The following PISD variants were observed in gnomAD, a reference collection of about 807,000 sequenced individuals.
PISD encodes phosphatidylserine decarboxylase proenzyme, mitochondrial.
In PISD, 31 loss-of-function variants were observed where a neutral mutation model predicts 43.5. The ratio of observed to expected loss-of-function variants is 0.71; its 90% CI spans 0.54 to 0.96. PISD has a LOEUF of 0.96. Ranked by LOEUF, PISD falls within the 40% of genes least tolerant of loss-of-function variation. The pLI is 0.00. For synonymous variants in PISD, 259 were observed against 228.7 expected, an observed-to-expected ratio of 1.13 and a Z score of -1.20; for missense variants, 523 against 548.4, an observed-to-expected ratio of 0.95 and a Z score of 0.46.
intron 3 of PISD, among the ~76,000 whole-genome samples, chr22:31,624,712 GACACACACACACACACACAC>G (rs55946723): frequency 1.3e-4 from 15 of 111,990 alleles, no homozygotes; most frequent in South Asian, 3.7e-4. Flanking sequence ...AGCAAAGGTG[GACACACACACACACACACAC>G]ACACACACAC....
intron 3 of PISD, among the ~76,000 whole-genome samples, chr22:31,636,131 A>G (rs1038301074): frequency 2.6e-5 from 4 of 152,244 alleles, no homozygotes; most frequent in Non-Finnish European, 2.9e-5. Context: ...TGCTGAGCAC[A>G]GGCCCATGGG....
At chr22:31,636,051 C>G (rs2073420948) in intron 3 of PISD, among the ~76,000 whole-genome samples, 1 of 152,218 alleles carries the variant, frequency 6.6e-6, no homozygotes, top group African/African-American at 2.4e-5. Context: ...ACAGCATGTA[C>G]ATCGCTCACC....
In PISD at chr22:31,661,142, C is replaced by T. The variant is rs115767908; in HGVS notation, c.65+1002G>A. 5.7e-3 allele frequency among the ~76,000 whole-genome samples: 862 copies of T among 152,324 alleles called. 6 individuals are homozygous for T. The highest frequency in any genetic ancestry group is 0.018 in the African/African-American group (764 of 41,566). On this transcript the variant is annotated intron_variant, in intron 1 of 7. Transcript: ENST00000439502. ...AATTCTAACAGTTACCACCACAATGCAGAGCCCTCTCCTGAGAGATAATCA... is the reference window on the plus strand; with the variant it reads ...AATTCTAACAGTTACCACCACAATGTAGAGCCCTCTCCTGAGAGATAATCA...
chr22:31,651,814 G>C (rs1255746796), intron 1 of PISD, among the ~76,000 whole-genome samples: 1 of 152,186 alleles, frequency 6.6e-6, no homozygotes, highest in Non-Finnish European at 1.5e-5. Flanking sequence ...TTTGCCTGAA[G>C]AAATAAGACA....
At chr22:31,656,266 C>T (rs560130428) in intron 1 of PISD, among the ~76,000 whole-genome samples, 2 of 152,110 alleles carry the variant, frequency 1.3e-5, no homozygotes, top group African/African-American at 4.8e-5. Flanking sequence ...ATTGCTTGAA[C>T]CCAGGAGGTG....
At position 31,662,213 on chromosome 22, in the gene PISD, T is replaced by A; in HGVS notation, c.-5A>T. On this transcript the variant is annotated 5_prime_UTR_variant, in exon 1 of 8. Transcript: ENST00000439502. ...GTGCCCCACGGACGTCGCCATCTTG[T>A]CTGCTCCTTCTCAGCGTGCCACGCC... 1.2e-6 allele frequency: 2 copies of A among 1,602,930 alleles called. No homozygotes were observed. The highest frequency in any genetic ancestry group is 1.7e-6 in the Non-Finnish European group (2 of 1,179,724).
upstream of PISD, chr22:31,662,391 T>C (rs545592734): frequency 3.5e-5 from 22 of 624,550 alleles, no homozygotes; most frequent in South Asian, 3.6e-4. Flanking sequence ...GTAGGGGAAC[T>C]AGTGGAGCTG....
At chr22:31,639,802 C>G (rs2073635691) in intron 3 of PISD, among the ~76,000 whole-genome samples, 1 of 152,208 alleles carries the variant, frequency 6.6e-6, no homozygotes, top group Non-Finnish European at 1.5e-5. Context: ...TGTGCTCACT[C>G]ACCGCGGCTC....
At chr22:31,640,517 C>T (rs532428097) in intron 3 of PISD, among the ~76,000 whole-genome samples, 2 of 147,280 alleles carry the variant, frequency 1.4e-5, no homozygotes, top group East Asian at 2.1e-4. Context: ...TTTCTAGAGA[C>T]ATCATTCTGT....
chr22:31,631,772 T>C (rs1010252229), intron 3 of PISD, among the ~76,000 whole-genome samples: 1 of 152,218 alleles, frequency 6.6e-6, no homozygotes, highest in African/African-American at 2.4e-5. Context: ...TGGCATTAAG[T>C]AGCCTTGTTC....
chr22:31,625,327 G>C lies in PISD; in HGVS notation c.322-3442C>G, dbSNP rs550501232. Among the ~76,000 whole-genome samples the C allele has an allele frequency of 3.9e-5, 6 of 152,326 alleles. No homozygotes were observed. In the South Asian group the frequency reaches 1.2e-3, roughly 32 times the overall value. On this transcript the variant is annotated intron_variant, in intron 3 of 7. Coordinates refer to ENST00000439502, the MANE Select transcript of PISD (RefSeq NM_001326411.2). ...AGGGGCCAAGCAAAGACAAATCACT[G>C]CTCCCCTCTGGCTTTGCCACCTGCC...
At chr22:31,660,630 C>T (rs913497088) in intron 1 of PISD, among the ~76,000 whole-genome samples, 3 of 152,332 alleles carry the variant, frequency 2.0e-5, no homozygotes, top group Non-Finnish European at 4.4e-5. Context: ...TGCACTCCCT[C>T]TTGGGCAACA....
intron 7 of PISD, among the ~76,000 whole-genome samples, chr22:31,620,183 G>A (rs1410518637): frequency 6.6e-6 from 1 of 152,230 alleles, no homozygotes; most frequent in Admixed American, 6.5e-5. Flanking sequence ...GTGGGCAGCA[G>A]ACCTGCGAGT....
intron 3 of PISD, among the ~76,000 whole-genome samples, chr22:31,624,966 G>T (rs1424011929): frequency 6.6e-6 from 1 of 152,160 alleles, no homozygotes; most frequent in Non-Finnish European, 1.5e-5. Context: ...ATGCTCCTGA[G>T]GCCCAGGGTA....
Position 31,620,637 on chromosome 22 carries a change from C to G in PISD, c.921G>C (p.Leu307=), listed in dbSNP as rs1282412288. 4 of 1,614,236 alleles carry G rather than the reference C, an allele frequency of 2.5e-6. No individual in the cohort carries two copies. In the African/African-American group the frequency reaches 4.0e-5, roughly 16 times the overall value. ...ELFCHNERVV[L]TGDWKHGFFS... is the part of the protein sequence containing the mutation. ...AGAAGCCATGTTTCCAGTCCCCCGTCAGGACCACCCGCTCGTTATGGCAGA... is the reference window on the plus strand; with the variant it reads ...AGAAGCCATGTTTCCAGTCCCCCGTGAGGACCACCCGCTCGTTATGGCAGA... Residue 307 remains leucine, a synonymous_variant, in exon 7 of 8, where the codon CTG becomes CTC. Coordinates refer to ENST00000439502, the MANE Select transcript of PISD (RefSeq NM_001326411.2).
intron 3 of PISD, chr22:31,626,004 T>C (rs1243988343): frequency 4.1e-6 from 6 of 1,447,438 alleles, no homozygotes; most frequent in African/African-American, 1.4e-5. Flanking sequence ...GGGTGCAGAA[T>C]AGAGGGTCAG....
intron 5 of PISD, 34 bp from the exon 6 acceptor site, chr22:31,621,176 C>T: frequency 6.2e-7 from 1 of 1,613,862 alleles, no homozygotes; most frequent in African/African-American, 1.3e-5. Flanking sequence ...GGGCCACCAA[C>T]ACAGTGAGCA....
In PISD at chr22:31,618,560, C is replaced by T. The variant is rs1245707720; in HGVS notation, c.*1052G>A. 11 of 833,324 alleles carry T rather than the reference C, an allele frequency of 1.3e-5. No individual in the cohort carries two copies. The highest frequency in any genetic ancestry group is 3.5e-5 in the African/African-American group (2 of 57,444). 51.6% of individuals were successfully genotyped at this position (833,324 alleles called of 1,614,324 possible). Reference sequence around the variant, plus strand: ...TGAATTACTGTTCAGAAGTCTCCCACTTTTCATACAAAAATACTGTGCTAC... The same window carrying T: ...TGAATTACTGTTCAGAAGTCTCCCATTTTTCATACAAAAATACTGTGCTAC... On this transcript the variant is annotated 3_prime_UTR_variant, in exon 8 of 8. Transcript: ENST00000439502.
chr22:31,633,068 C>T (rs1297851444), intron 3 of PISD, among the ~76,000 whole-genome samples: 1 of 152,228 alleles, frequency 6.6e-6, no homozygotes, highest in Admixed American at 6.5e-5. Flanking sequence ...AAACACATGA[C>T]ATGGGATAAA....
Sources: gnomAD v4.1 joint callset for allele counts (sites outside exome capture counted in the v4.1 genomes callset) on GRCh38, gnomAD v4.1.1 for gene constraint, MANE v1.5 for transcripts, NCBI Gene and HGNC (gene_info 2026-07-23, HGNC 2026-07-21) for gene names.